Variants in RGS6 observed in about 807,000 individuals in gnomAD.
The protein encoded by RGS6 is regulator of G-protein signaling 6.
In RGS6, 30 loss-of-function variants were observed where a neutral mutation model predicts 78.5. That is an observed-to-expected ratio of 0.38 (90% CI 0.29 to 0.52). The LOEUF is 0.52. Among genes scored for constraint, RGS6 ranks in the 20% least tolerant of loss-of-function variants. The probability of loss-of-function intolerance (pLI) is 0.85; values close to 1 mark genes in which losing one functional copy is unlikely to be tolerated. For synonymous variants in RGS6, 206 were observed against 206.0 expected, an observed-to-expected ratio of 1.00 and a Z score of 0.00; for missense variants, 495 against 609.7, an observed-to-expected ratio of 0.81 and a Z score of 1.98.
intron 17 of RGS6, chr14:72,541,302 T>C: frequency 1.1e-6 from 1 of 895,006 alleles, no homozygotes; most frequent in Non-Finnish European, 1.3e-6. Context: ...AGCCTAGTCA[T>C]TTACGTGTCG....
chr14:72,118,537 G>A (rs753122036), intron 2 of RGS6, among the ~76,000 whole-genome samples: 10 of 152,158 alleles, frequency 6.6e-5, no homozygotes, highest in Non-Finnish European at 1.3e-4. Flanking sequence ...CTGTCTGCGT[G>A]GAAATAGAGA....
the RGS6 span, among the ~76,000 whole-genome samples, chr14:71,885,879 C>A: frequency 1.3e-5 from 2 of 150,970 alleles, no homozygotes; most frequent in Non-Finnish European, 3.0e-5. Flanking sequence ...AGATAAAATT[C>A]TTTCTTTCCT....
chr14:72,280,559 T>C (rs1000334390), intron 2 of RGS6, among the ~76,000 whole-genome samples: 4 of 152,236 alleles, frequency 2.6e-5, no homozygotes, highest in East Asian at 1.9e-4. Context: ...ACAAATGTAG[T>C]GTGCACTAAC....
At chr14:72,540,518 C>G in intron 17 of RGS6, 1 of 1,558,814 alleles carries the variant, frequency 6.4e-7, no homozygotes, top group Non-Finnish European at 8.6e-7. Context: ...CAAAATTTCC[C>G]TCTGTGAACC....
At chr14:72,515,418 C>G (rs2096929124) in intron 14 of RGS6, among the ~76,000 whole-genome samples, 1 of 152,236 alleles carries the variant, frequency 6.6e-6, no homozygotes, top group Admixed American at 6.5e-5. Flanking sequence ...GTCATCCCAG[C>G]ACTTTGGGAG....
At chr14:72,499,941 C>G (rs959768890) in intron 13 of RGS6, among the ~76,000 whole-genome samples, 5 of 152,224 alleles carry the variant, frequency 3.3e-5, no homozygotes, top group Non-Finnish European at 7.3e-5. Flanking sequence ...ATACAGCGGG[C>G]ACCGTGTGGG....
chr14:72,123,031 A>G (rs940337963), intron 2 of RGS6, among the ~76,000 whole-genome samples: 9 of 152,150 alleles, frequency 5.9e-5, no homozygotes, highest in African/African-American at 2.2e-4. Context: ...CAGTGTCACA[A>G]TCTCAGCTCA....
chr14:72,385,033 A>T (rs2087479859), intron 3 of RGS6, among the ~76,000 whole-genome samples: 1 of 152,144 alleles, frequency 6.6e-6, no homozygotes, highest in Non-Finnish European at 1.5e-5. Context: ...TACAGGCGTG[A>T]GCCATGGTGC....
At chr14:72,537,797 T>G (rs2153503239) in intron 16 of RGS6, 1 of 537,444 alleles carries the variant, frequency 1.9e-6, no homozygotes, top group South Asian at 2.3e-5. Flanking sequence ...TCTGGTAGTT[T>G]AACCAGTCTA....
At chr14:72,207,980 G>A (rs1192305922) in intron 2 of RGS6, among the ~76,000 whole-genome samples, 2 of 152,188 alleles carry the variant, frequency 1.3e-5, no homozygotes, top group Non-Finnish European at 2.9e-5. Flanking sequence ...GGCTCTATGT[G>A]TTTGAGGCTG....
At chr14:72,519,171 C>T in intron 15 of RGS6, among the ~76,000 whole-genome samples, 1 of 152,176 alleles carries the variant, frequency 6.6e-6, no homozygotes, top group East Asian at 1.9e-4. Context: ...GGACTCCCAA[C>T]CCTGTAGGAC....
chr14:71,889,001 A>G, the RGS6 span, among the ~76,000 whole-genome samples: 78 of 152,302 alleles, frequency 5.1e-4, no homozygotes, highest in Non-Finnish European at 9.0e-4. Context: ...AGGATTGGGC[A>G]TGGTTCACTG....
chr14:72,106,062 A>T (rs2095626258), intron 2 of RGS6, among the ~76,000 whole-genome samples: 1 of 152,204 alleles, frequency 6.6e-6, no homozygotes, highest in African/African-American at 2.4e-5. Flanking sequence ...TCGCAGTGGG[A>T]TATTTAACAA....
chr14:72,213,795 A>T (rs1030795880), intron 2 of RGS6, among the ~76,000 whole-genome samples: 8 of 152,100 alleles, frequency 5.3e-5, no homozygotes, highest in African/African-American at 1.4e-4. Flanking sequence ...TCTTTTCCCT[A>T]TTGCAAAAAT....
intron 3 of RGS6, among the ~76,000 whole-genome samples, chr14:72,397,445 T>A (rs1478343055): frequency 7.9e-5 from 12 of 151,892 alleles, no homozygotes; most frequent in South Asian, 4.2e-4. Flanking sequence ...TAAGGAGATT[T>A]TGGGCTGAGA....
intron 2 of RGS6, among the ~76,000 whole-genome samples, chr14:71,969,122 G>C (rs1193939842): frequency 6.6e-6 from 1 of 152,154 alleles, no homozygotes; most frequent in Non-Finnish European, 1.5e-5. Context: ...ATGGTTTCCA[G>C]CTTCATCCAT....
At chr14:71,987,385 G>A (rs188742569) in intron 2 of RGS6, among the ~76,000 whole-genome samples, 1 of 152,096 alleles carries the variant, frequency 6.6e-6, no homozygotes, top group Non-Finnish European at 1.5e-5. Context: ...GGGTGCTCCT[G>A]TTAGGCCCCA....
Position 72,263,519 on chromosome 14 carries a change from T to TC in RGS6, c.85-88569dup, listed in dbSNP as rs58089758. On this transcript the variant is annotated intron_variant, in intron 2 of 17. Transcript: ENST00000553525. The stretch of plus-strand genomic sequence containing the variant: ...TATTGTTGTGGTCTAAATGTATGTG[T>TC]CCCCCCCAAATTCATATGTTAAAGT... Among the ~76,000 whole-genome samples, 133 of 152,072 alleles carry TC rather than the reference T, an allele frequency of 8.7e-4. 1 individual carries two copies. Among genetic ancestry groups the TC allele is most frequent in the Middle Eastern group, 6.8e-3 (2 of 294 alleles).
intron 16 of RGS6, among the ~76,000 whole-genome samples, chr14:72,539,640 G>A (rs781237144): frequency 3.3e-5 from 5 of 152,126 alleles, no homozygotes; most frequent in Non-Finnish European, 7.4e-5. Flanking sequence ...GGGCCCCCAG[G>A]GCCCCAGGGC....
Sources: allele counts gnomAD v4.1 joint callset (sites outside exome capture counted in the v4.1 genomes callset), GRCh38; gene constraint gnomAD v4.1.1; transcripts MANE v1.5; gene names NCBI Gene and HGNC (gene_info 2026-07-23, HGNC 2026-07-21).